ZP3: variants seen among roughly 807,000 people sequenced by gnomAD.
ZP3 encodes zona pellucida glycoprotein 3, also known as zona pellucida sperm-binding protein 3.
A neutral mutation model predicts 35.6 loss-of-function variants in ZP3; 21 were observed. The observed-to-expected ratio is 0.59, with a 90% CI of 0.42 to 0.85. The LOEUF (loss-of-function observed/expected upper bound fraction) is 0.85. Among genes scored for constraint, ZP3 ranks in the 40% least tolerant of loss-of-function variants. The pLI is 0.00. For missense variants in ZP3, 437 were observed against 536.5 expected (o/e 0.81, Z 1.83); for synonymous variants, 207 against 214.5 (o/e 0.96, Z 0.31).
At chr7:76,422,279 C>T (rs1371584161), upstream of ZP3, among the ~76,000 whole-genome samples, 1 of 152,104 alleles carries the variant, frequency 6.6e-6, no homozygotes, top group Non-Finnish European at 1.5e-5. Flanking sequence ...TCTGCCCCGC[C>T]CACCTCCCCG....
intron 2 of ZP3, among the ~76,000 whole-genome samples, chr7:76,430,415 T>A (rs541555569): frequency 1.3e-5 from 2 of 152,176 alleles, no homozygotes; most frequent in African/African-American, 4.8e-5. Context: ...ACTTTGTCCC[T>A]GCCCTTGAAC....
chr7:76,400,973 G>C, intron 1 of ZP3: 1 of 1,551,176 alleles, frequency 6.4e-7, no homozygotes, highest in Middle Eastern at 1.7e-4. Context: ...CTGGCGGACA[G>C]GTGAGGGTGA....
Position 76,436,585 on chromosome 7 carries a change from A to C in ZP3, c.831+2430A>C, listed in dbSNP as rs546180857. Among the ~76,000 whole-genome samples, 235 of 152,326 alleles carry C rather than the reference A, an allele frequency of 1.5e-3. 1 individual carries two copies. Among genetic ancestry groups the C allele is most frequent in the Non-Finnish European group, 1.4e-3 (96 of 68,034 alleles). Reference sequence around the variant, plus strand: ...CTTGTGGGAAGAGAAAGATCAACACACAGATCAGTAGGGTAGCAAAAGGGA... The same window carrying C: ...CTTGTGGGAAGAGAAAGATCAACACCCAGATCAGTAGGGTAGCAAAAGGGA... On this transcript the variant is annotated intron_variant, in intron 5 of 7. Transcript: ENST00000394857.
At chr7:76,423,213 AAG>A (rs776363895), upstream of ZP3, among the ~76,000 whole-genome samples, 426 of 144,986 alleles carry the variant, frequency 2.9e-3, 5 homozygotes, top group Middle Eastern at 3.7e-3. Context: ...GAGAGAGGGA[AAG>A]AGAGAGAGAG....
exon 1 of ZP3, chr7:76,397,732 C>T (rs1357765846): frequency 5.0e-6 from 8 of 1,613,338 alleles, no homozygotes; most frequent in Non-Finnish European, 6.8e-6. Context: ...CCGGCAGCCC[C>T]CAGTCGTCGT....
At chr7:76,423,884 C>T (rs750473067), upstream of ZP3, among the ~76,000 whole-genome samples, 18 of 151,738 alleles carry the variant, frequency 1.2e-4, no homozygotes, top group Non-Finnish European at 1.8e-4. Context: ...ATGCCCTGGT[C>T]GGGGTGAGCT....
chr7:76,418,645 A>G (rs1805435243), intron 1 of ZP3, among the ~76,000 whole-genome samples: 1 of 150,534 alleles, frequency 6.6e-6, no homozygotes, highest in African/African-American at 2.4e-5. Context: ...TCACGAGGTC[A>G]GGCGGTCGAG....
chr7:76,435,335 A>G (rs1300467647), intron 5 of ZP3, among the ~76,000 whole-genome samples: 2 of 152,192 alleles, frequency 1.3e-5, no homozygotes, highest in Non-Finnish European at 2.9e-5. Flanking sequence ...TTGTATTTCT[A>G]GTAGAGACAA....
At chr7:76,416,937 TATAC>T (rs1400236974) in intron 1 of ZP3, among the ~76,000 whole-genome samples, 1 of 89,028 alleles carries the variant, frequency 1.1e-5, no homozygotes, top group African/African-American at 5.3e-5. Flanking sequence ...CATACATATG[TATAC>T]ATACATATAT....
chr7:76,413,530 G>A (rs1346202370), intron 1 of ZP3, among the ~76,000 whole-genome samples: 2 of 152,054 alleles, frequency 1.3e-5, no homozygotes, highest in Non-Finnish European at 2.9e-5. Flanking sequence ...GCTTCCCAAA[G>A]TGCTGGGATT....
chr7:76,402,741 C>T lies in ZP3; in HGVS notation c.-67+4944C>T, dbSNP rs146997802. 4.8e-4 allele frequency among the ~76,000 whole-genome samples: 73 copies of T among 152,290 alleles called. 1 individual carries two copies. The highest frequency in any genetic ancestry group is 1.7e-3 in the African/African-American group (69 of 41,566). Reference sequence around the variant, plus strand: ...CTAGAGTGCAATGGTGCCATCTTTGCTCACCGCAACCTCCCCCTCCTGGGT... The same window carrying T: ...CTAGAGTGCAATGGTGCCATCTTTGTTCACCGCAACCTCCCCCTCCTGGGT... On this transcript the variant is annotated intron_variant, in intron 1 of 8. Coordinates refer to the ZP3 transcript ENST00000336517.
At chr7:76,405,306 TA>T (rs1563686912) in intron 1 of ZP3, among the ~76,000 whole-genome samples, 6 of 63,110 alleles carry the variant, frequency 9.5e-5, no homozygotes, top group African/African-American at 3.5e-4. Flanking sequence ...TATATATATA[TA>T]TATATATATG....
intron 5 of ZP3, chr7:76,439,789 C>G (rs1343871483): frequency 5.3e-6 from 1 of 187,956 alleles, no homozygotes; most frequent in African/African-American, 2.3e-5. Context: ...AAACTAGTTG[C>G]TACTTGCTCT....
chr7:76,426,894 ACACACACACACAC>A (rs1805676808), intron 1 of ZP3, among the ~76,000 whole-genome samples: 5 of 137,124 alleles, frequency 3.6e-5, no homozygotes, highest in East Asian at 2.3e-4. Flanking sequence ...ACACACACAC[ACACACACACACAC>A]AATAGGGTGT....
At position 76,433,509 on chromosome 7, in the gene ZP3, T is replaced by A. The variant is rs1287071589; in HGVS notation, c.575T>A (p.Leu192Gln). 6.2e-7 allele frequency: 1 copy of A among 1,614,024 alleles called. No homozygotes were observed. Among genetic ancestry groups the A allele is most frequent in the Admixed American group, 1.7e-5 (1 of 59,972 alleles). The part of the protein sequence containing the change: ...NAEKRSPTFH[L>Q]GDAAHLQAEI... ...GAGAAGAGGTCCCCCACCTTCCACCTGGGAGATGCAGCCCACCTCCAGGCA... is the reference window on the plus strand; with the variant it reads ...GAGAAGAGGTCCCCCACCTTCCACCAGGGAGATGCAGCCCACCTCCAGGCA... The change falls in exon 4 of 8, where the codon CTG becomes CAG. Residue 192 changes from leucine (L) to glutamine (Q), a missense_variant. By Grantham distance (113) the Leu-to-Gln change is moderately radical (BLOSUM62 -2). Transcript: ENST00000394857.
Position 76,425,055 on chromosome 7 carries a change from G to A in ZP3, c.91G>A (p.Gly31Arg), listed in dbSNP as rs2286428. ...YPQPLWLLQG[G>R]ASHPETSVQP... ...CCAACCCCTCTGGCTCTTGCAGGGTGGAGCCAGCCATCCTGAGACGTCCGT... is the reference window on the plus strand; with the variant it reads ...CCAACCCCTCTGGCTCTTGCAGGGTAGAGCCAGCCATCCTGAGACGTCCGT... Residue 31 changes from glycine to arginine, a missense_variant, in exon 1 of 8, where the codon GGA (glycine) becomes AGA (arginine). Around this residue, in one of 6 missense-constraint regions of ZP3, gnomAD observed 352 missense variants for 308.4 expected, o/e 1.14. Transcript: ENST00000394857. 0.21 allele frequency: 341,526 copies of A among 1,609,726 alleles called. 38,784 individuals carry two copies. Among genetic ancestry groups the A allele is most frequent in the Middle Eastern group, 0.29 (1,728 of 6,054 alleles).
At chr7:76,406,709 G>A (rs1805045856) in intron 1 of ZP3, among the ~76,000 whole-genome samples, 1 of 151,100 alleles carries the variant, frequency 6.6e-6, no homozygotes, top group African/African-American at 2.4e-5. Context: ...TACTCAGGCT[G>A]GTCTCAAACT....
intron 1 of ZP3, among the ~76,000 whole-genome samples, chr7:76,398,997 T>G (rs1804729377): frequency 6.6e-6 from 1 of 152,010 alleles, no homozygotes; most frequent in African/African-American, 2.4e-5. Context: ...AAGCACGGTT[T>G]TTGTTGTTGT....
At chr7:76,403,864 T>C (rs1214578981) in intron 1 of ZP3, among the ~76,000 whole-genome samples, 1 of 152,096 alleles carries the variant, frequency 6.6e-6, no homozygotes, top group African/African-American at 2.4e-5. Flanking sequence ...GGTTTCACCA[T>C]GTTGGCCAGG....
Sources: allele counts gnomAD v4.1 joint callset (sites outside exome capture counted in the v4.1 genomes callset), GRCh38; gene constraint gnomAD v4.1.1; regional missense constraint gnomAD v4.1.1; transcripts MANE v1.5; gene names NCBI Gene and HGNC (gene_info 2026-07-23, HGNC 2026-07-21).